ST6GALNAC3: variants seen among roughly 807,000 people sequenced by gnomAD.
ST6GALNAC3 encodes the protein ST6 N-acetylgalactosaminide alpha-2,6-sialyltransferase 3, also known as alpha-N-acetylgalactosaminide alpha-2,6-sialyltransferase 3.
Under a neutral mutation model 32.7 loss-of-function variants are expected in ST6GALNAC3, and 25 were observed. The observed-to-expected ratio is 0.76, with a 90% CI of 0.56 to 1.07. The LOEUF (loss-of-function observed/expected upper bound fraction) is 1.07, where lower values mean the gene tolerates loss of function less well. ST6GALNAC3 is among the 50% of genes least tolerant of loss of function. ST6GALNAC3 has a pLI of 0.00. For synonymous variants in ST6GALNAC3, 129 were observed against 133.1 expected (o/e 0.97, Z 0.21); for missense variants, 355 against 382.4 (o/e 0.93, Z 0.60).
chr1:76,556,596 T>A (rs192413164), intron 3 of ST6GALNAC3, among the ~76,000 whole-genome samples: 1 of 152,166 alleles, frequency 6.6e-6, no homozygotes, highest in South Asian at 2.1e-4. Flanking sequence ...TACCTCATTA[T>A]GGCTTTGGTT....
At chr1:76,590,790 G>T (rs1358758526) in intron 3 of ST6GALNAC3, among the ~76,000 whole-genome samples, 1 of 152,084 alleles carries the variant, frequency 6.6e-6, no homozygotes, top group Non-Finnish European at 1.5e-5. Context: ...TGGGATCTTG[G>T]GCAAGTTACT....
chr1:76,138,578 C>G (rs1650094032), intron 1 of ST6GALNAC3, among the ~76,000 whole-genome samples: 1 of 152,198 alleles, frequency 6.6e-6, no homozygotes, highest in Admixed American at 6.5e-5. Context: ...TAAAATGGGT[C>G]ATTCTATGCA....
chr1:76,519,130 C>T (rs928351679), intron 3 of ST6GALNAC3, among the ~76,000 whole-genome samples: 5 of 152,094 alleles, frequency 3.3e-5, no homozygotes, highest in Admixed American at 1.3e-4. Flanking sequence ...TGTTGACCGT[C>T]TTTCCTTGTA....
intron 3 of ST6GALNAC3, among the ~76,000 whole-genome samples, chr1:76,463,855 AG>A (rs1280742537): frequency 6.6e-6 from 1 of 152,114 alleles, no homozygotes; most frequent in African/African-American, 2.4e-5. Context: ...AGGTTTAACC[AG>A]GGGGAGCACT....
intron 3 of ST6GALNAC3, among the ~76,000 whole-genome samples, chr1:76,494,185 C>T (rs772914824): frequency 9.0e-4 from 136 of 151,848 alleles, no homozygotes; most frequent in Non-Finnish European, 1.4e-3. Flanking sequence ...GGTATCTCGA[C>T]CACATCCTGT....
In ST6GALNAC3 at chr1:76,418,608, A is replaced by AT. The variant is rs540767580; in HGVS notation, c.623+6200dup. Among the ~76,000 whole-genome samples the AT allele has an allele frequency of 3.3e-3, 497 of 150,712 alleles. 1 individual carries two copies. Among genetic ancestry groups the AT allele is most frequent in the African/African-American group, 7.5e-3 (309 of 41,084 alleles). ...GACAGTATTAAAAACAGTATTTTCCATTTTTTTTTCATTTTGAAGATGGTC... is the reference window on the plus strand; with the variant it reads ...GACAGTATTAAAAACAGTATTTTCCATTTTTTTTTTCATTTTGAAGATGGTC... On this transcript the variant is annotated intron_variant, in intron 3 of 4. Transcript: ENST00000328299.
intron 1 of ST6GALNAC3, among the ~76,000 whole-genome samples, chr1:76,201,897 T>C (rs1460376392): frequency 6.6e-6 from 1 of 152,152 alleles, no homozygotes; most frequent in Non-Finnish European, 1.5e-5. Flanking sequence ...AACCCCTATG[T>C]ACACAGCATT....
intron 3 of ST6GALNAC3, among the ~76,000 whole-genome samples, chr1:76,597,943 AT>A (rs769360290): frequency 6.6e-6 from 1 of 152,122 alleles, no homozygotes; most frequent in Non-Finnish European, 1.5e-5. Context: ...GTCTTCGTTT[AT>A]TTGGGGCACT....
chr1:76,292,365 A>G (rs1035136951), intron 1 of ST6GALNAC3, among the ~76,000 whole-genome samples: 2 of 152,238 alleles, frequency 1.3e-5, no homozygotes, highest in African/African-American at 4.8e-5. Flanking sequence ...GTAGAAAACC[A>G]GTGGGCTTTC....
intron 1 of ST6GALNAC3, among the ~76,000 whole-genome samples, chr1:76,125,081 G>A (rs903276106): frequency 6.6e-6 from 1 of 152,040 alleles, no homozygotes; most frequent in Non-Finnish European, 1.5e-5. Context: ...TTTTGTTAAT[G>A]TAACTACTAG....
At chr1:76,364,298 C>T (rs181463539) in intron 2 of ST6GALNAC3, among the ~76,000 whole-genome samples, 3 of 152,246 alleles carry the variant, frequency 2.0e-5, no homozygotes, top group Admixed American at 2.0e-4. Context: ...CCTATAATCC[C>T]AGCACTTTGG....
chr1:76,397,191 T>C (rs918310669), intron 2 of ST6GALNAC3, among the ~76,000 whole-genome samples: 2 of 152,138 alleles, frequency 1.3e-5, no homozygotes, highest in African/African-American at 4.8e-5. Context: ...TAATATCTGA[T>C]TGCTGTAACT....
intron 3 of ST6GALNAC3, among the ~76,000 whole-genome samples, chr1:76,472,309 GTTCTT>G (rs1026690163): frequency 2.0e-5 from 3 of 151,934 alleles, no homozygotes; most frequent in Non-Finnish European, 4.4e-5. Context: ...TTTCTTTTCT[GTTCTT>G]TTCTTTTCAG....
At chr1:76,369,090 G>A (rs539437981) in intron 2 of ST6GALNAC3, among the ~76,000 whole-genome samples, 33 of 152,050 alleles carry the variant, frequency 2.2e-4, no homozygotes, top group Admixed American at 3.9e-4. Context: ...CTAGAGCCCA[G>A]AGAAGTGCAT....
chr1:76,528,539 T>A (rs1337399261), intron 3 of ST6GALNAC3, among the ~76,000 whole-genome samples: 2 of 152,150 alleles, frequency 1.3e-5, no homozygotes, highest in East Asian at 3.9e-4. Context: ...GCATACATAG[T>A]ATGTCGACTC....
chr1:76,334,055 A>C lies in ST6GALNAC3; in HGVS notation c.213+20056A>C, dbSNP rs146348389. On this transcript the variant is annotated intron_variant, in intron 2 of 4. Coordinates refer to ENST00000328299, the MANE Select transcript of ST6GALNAC3 (RefSeq NM_152996.4). ...TGATGAATAAATTTAATAAGATACC[A>C]TCTCTTGCCTTCAAAGATGATTCCA... is the stretch of plus-strand genomic sequence containing the variant. Among the ~76,000 whole-genome samples the C allele has an allele frequency of 2.4e-3, 362 of 152,330 alleles. 1 individual carries two copies. Among genetic ancestry groups the C allele is most frequent in the African/African-American group, 7.5e-3 (311 of 41,580 alleles).
intron 1 of ST6GALNAC3, among the ~76,000 whole-genome samples, chr1:76,197,711 T>C (rs560293994): frequency 7.2e-5 from 11 of 152,184 alleles, no homozygotes; most frequent in Admixed American, 2.0e-4. Flanking sequence ...ATGTAGAAGG[T>C]AGGAAATGAC....
intron 3 of ST6GALNAC3, among the ~76,000 whole-genome samples, chr1:76,585,352 C>T (rs1247923323): frequency 6.6e-6 from 1 of 150,682 alleles, no homozygotes; most frequent in Admixed American, 6.6e-5. Flanking sequence ...TGCCACTGCA[C>T]TCCAGTCTGG....
chr1:76,379,784 G>A (rs1252875798), intron 2 of ST6GALNAC3, among the ~76,000 whole-genome samples: 1 of 152,140 alleles, frequency 6.6e-6, no homozygotes, highest in Admixed American at 6.5e-5. Context: ...GCTCCACATG[G>A]CAGAGGGGAG....
Sources: gnomAD v4.1 joint callset for allele counts (sites outside exome capture counted in the v4.1 genomes callset) on GRCh38, gnomAD v4.1.1 for gene constraint, MANE v1.5 for transcripts, NCBI Gene and HGNC (gene_info 2026-07-23, HGNC 2026-07-21) for gene names.